PAXIP1: variants seen among roughly 807,000 people sequenced by gnomAD.
PAXIP1 encodes the protein PAX interacting protein 1.
Under a neutral mutation model 140.6 loss-of-function variants are expected in PAXIP1, and 19 were observed. The ratio of observed to expected loss-of-function variants is 0.14; its 90% CI spans 0.09 to 0.20. The LOEUF is 0.20. Among genes scored for constraint, PAXIP1 ranks in the 10% least tolerant of loss-of-function variants. The pLI, the probability that PAXIP1 is intolerant of heterozygous loss-of-function variation, is 1.00. For missense variants in PAXIP1, 920 were observed against 1,208.6 expected, an observed-to-expected ratio of 0.76 and a Z score of 3.54; for synonymous variants, 442 against 444.6, an observed-to-expected ratio of 0.99 and a Z score of 0.07.
chr7:154,993,950 T>G (rs1378146596), intron 2 of PAXIP1, among the ~76,000 whole-genome samples, 181 bp from the exon 3 acceptor site: 1 of 152,296 alleles, frequency 6.6e-6, no homozygotes, highest in South Asian at 2.1e-4. Flanking sequence ...ATACCCAAGA[T>G]GAAAAATCCA....
intron 1 of PAXIP1, chr7:155,001,783 C>T (rs759602258): frequency 1.3e-5 from 2 of 152,272 alleles, no homozygotes; most frequent in Non-Finnish European, 2.9e-5. Context: ...CAGGGGTAAA[C>T]CCGGCCTTGA....
rs3817481 is a variant in PAXIP1, at chr7:154,963,074, A to G, written c.1989+597T>C. Among the ~76,000 whole-genome samples the G allele has an allele frequency of 0.58, 88,161 of 152,102 alleles. 25,705 individuals carry two copies. The highest frequency in any genetic ancestry group is 0.65 in the Admixed American group (10,016 of 15,292). On this transcript the variant is annotated intron_variant, in intron 9 of 20. Transcript: ENST00000404141. The surrounding 1 kb of genome is among the most constrained non-coding windows in gnomAD (Gnocchi z 4.1). Reference sequence around the variant, plus strand: ...AAGCTCTGTAAGGGACCTGGTCTTTACACGCTTGTGTGCAAGTCACACACC... The same window carrying G: ...AAGCTCTGTAAGGGACCTGGTCTTTGCACGCTTGTGTGCAAGTCACACACC...
chr7:154,982,493 A>T (rs928973919), intron 5 of PAXIP1, among the ~76,000 whole-genome samples: 1 of 152,136 alleles, frequency 6.6e-6, no homozygotes, highest in African/African-American at 2.4e-5. Context: ...TGGGATTACA[A>T]GCACATGCCA....
Position 154,998,743 on chromosome 7 carries a change from G to C in PAXIP1, c.123C>G (p.Ser41=). The change falls in exon 2 of 21, where the codon TCC becomes TCG. Residue 41 remains serine (S), a synonymous_variant. Transcript: ENST00000404141. ...TTATGTGTGAGGCTAGTGCATTGTAGGAAACTTCCTTCGCTTTTCCAGCCT... is the reference window on the plus strand; with the variant it reads ...TTATGTGTGAGGCTAGTGCATTGTACGAAACTTCCTTCGCTTTTCCAGCCT... ...LLKAGKAKEV[S]YNALASHIIS... 1 of 1,613,296 alleles carries C rather than the reference G, an allele frequency of 6.2e-7. No individual in the cohort carries two copies. Among genetic ancestry groups the C allele is most frequent in the Non-Finnish European group, 8.5e-7 (1 of 1,179,536 alleles).
At chr7:154,983,089 T>C (rs762443504) in intron 5 of PAXIP1, 130 bp downstream of exon 5, 3 of 556,652 alleles carry the variant, frequency 5.4e-6, no homozygotes, top group Non-Finnish European at 9.5e-6. Context: ...ATATAAATAA[T>C]ATAAACCAAT....
In PAXIP1 at chr7:155,002,946, G is replaced by T; in HGVS notation, c.-17C>A. ...GTCCGACATGATCGCGGCGGCCCGG[G>T]AGGCTCCGCGGCGGCGCCCGGCCCC... is the stretch of plus-strand genomic sequence containing the variant. On this transcript the variant is annotated 5_prime_UTR_variant, in exon 1 of 21. Transcript: ENST00000404141. 1 of 1,231,642 alleles carries T rather than the reference G, an allele frequency of 8.1e-7. No individual in the cohort carries two copies. 76.3% of individuals were successfully genotyped at this position (1,231,642 alleles called of 1,614,324 possible).
chr7:154,954,727 C>CGCG lies in PAXIP1; in HGVS notation c.2653-305_2653-304insCGC, dbSNP rs1226634114. Among the ~76,000 whole-genome samples the CGCG allele has an allele frequency of 6.6e-6, 1 of 152,218 alleles. No homozygotes were observed. Among genetic ancestry groups the CGCG allele is most frequent in the Non-Finnish European group, 1.5e-5 (1 of 68,028 alleles). On this transcript the variant is annotated intron_variant, in intron 15 of 20. Coordinates refer to ENST00000404141, the MANE Select transcript of PAXIP1 (RefSeq NM_007349.4). The surrounding 1 kb of genome is among the most constrained non-coding windows in gnomAD (Gnocchi z 5.1). The stretch of plus-strand genomic sequence containing the variant: ...ATTAAATGACATGAGAATGATGCAG[C>CGCG]TCACTTCACAATGAAGAGTAAACAG...
chr7:155,002,679 G>C (rs1329731693), intron 1 of PAXIP1, among the ~76,000 whole-genome samples, 170 bp downstream of exon 1: 1 of 151,080 alleles, frequency 6.6e-6, no homozygotes, highest in Non-Finnish European at 1.5e-5. Flanking sequence ...GGCCTCCCGC[G>C]CCCACCCCGC....
At chr7:154,996,233 C>CT (rs1213867762) in intron 2 of PAXIP1, among the ~76,000 whole-genome samples, 1 of 152,140 alleles carries the variant, frequency 6.6e-6, no homozygotes, top group African/African-American at 2.4e-5. Flanking sequence ...TGAAGGCAAA[C>CT]TGTTGAGTCA....
In PAXIP1 at chr7:154,946,251, T is replaced by C; in HGVS notation, c.3194+114A>G. On this transcript the variant is annotated intron_variant, in intron 20 of 20. Transcript: ENST00000404141. This position sits in a 1 kb window ranked among gnomAD's most constrained non-coding sequence, Gnocchi z 4.9. ...GAATTGTTCACTGCATAAATCACAA[T>C]AGCAAAGAAAGGAAAAATGGCTTGC... 1.9e-6 allele frequency: 3 copies of C among 1,556,054 alleles called. No individual in the cohort carries two copies. The highest frequency in any genetic ancestry group is 2.6e-6 in the Non-Finnish European group (3 of 1,152,446).
chr7:155,002,991 C>T lies in PAXIP1; in HGVS notation c.-62G>A, dbSNP rs556352687. ...GGCCCCGCCCACCCCCCGCCCCCGGCCCCCGCGGCGCCCGGCGCCCCCACT... is the reference window on the plus strand; with the variant it reads ...GGCCCCGCCCACCCCCCGCCCCCGGTCCCCGCGGCGCCCGGCGCCCCCACT... On this transcript the variant is annotated 5_prime_UTR_variant, in exon 1 of 21. Transcript: ENST00000404141. The T allele has an allele frequency of 9.7e-3, 6,869 of 705,640 alleles. 43 individuals carry two copies. Among genetic ancestry groups the T allele is most frequent in the South Asian group, 0.013 (211 of 16,236 alleles). The allele number at this position is 705,640 out of a possible 1,614,324, so 43.7% of individuals were successfully genotyped here. A position where few individuals can be genotyped will look rare whatever the true frequency, so the allele number is the denominator to read the frequency against.
rs190361747 is a variant in PAXIP1, at chr7:154,958,425, T to C, written c.2479-1131A>G. On this transcript the variant is annotated intron_variant, in intron 13 of 20. Coordinates refer to ENST00000404141, the MANE Select transcript of PAXIP1 (RefSeq NM_007349.4). ...CTTATTAATTTACTTCAACTACAAC[T>C]TATTTTTTCTAAATATTGCTGCCAT... 3.9e-3 allele frequency among the ~76,000 whole-genome samples: 599 copies of C among 152,374 alleles called. 6 individuals are homozygous for C. Among genetic ancestry groups the C allele is most frequent in the Non-Finnish European group, 6.0e-3 (408 of 68,048 alleles).
chr7:154,983,099 TATA>T (rs2150773844), intron 5 of PAXIP1, 117 bp downstream of exon 5: 1 of 578,442 alleles, frequency 1.7e-6, no homozygotes, highest in African/African-American at 1.9e-5. Flanking sequence ...TATAAACCAA[TATA>T]ATCAGCTTTT....
In PAXIP1 at chr7:154,975,942, T is replaced by C; in HGVS notation, c.828A>G (p.Ala276=). The C allele has an allele frequency of 1.9e-6, 3 of 1,613,982 alleles. No homozygotes were observed. Among genetic ancestry groups the C allele is most frequent in the Non-Finnish European group, 2.5e-6 (3 of 1,179,868 alleles). ...WTPAEVPQLA[A]AKRRLPQGKE... ...TTCCCTGAGGCAGCCTGCGTTTTGC[T>C]GCAGCTAACTGTGGGACTTCGGCCG... The change falls in exon 6 of 21, where the codon GCA becomes GCG. Residue 276 remains alanine, a synonymous_variant. Coordinates refer to ENST00000404141, the MANE Select transcript of PAXIP1 (RefSeq NM_007349.4).
At chr7:154,961,304 T>C (rs796878963) in intron 11 of PAXIP1, among the ~76,000 whole-genome samples, 1 of 152,346 alleles carries the variant, frequency 6.6e-6, no homozygotes, top group African/African-American at 2.4e-5. Flanking sequence ...CCTATTCCTG[T>C]TTTGTTCATT....
chr7:154,965,543 G>A (rs980460706), intron 8 of PAXIP1: 1 of 152,286 alleles, frequency 6.6e-6, no homozygotes, highest in Admixed American at 6.5e-5. Context: ...CCCTGAGGGA[G>A]TAAGACCAGC....
intron 8 of PAXIP1, among the ~76,000 whole-genome samples, chr7:154,966,530 C>T (rs1223899556): frequency 6.6e-6 from 1 of 152,194 alleles, no homozygotes; most frequent in African/African-American, 2.4e-5. Context: ...AACTTGAAAA[C>T]AAGACAAAAA....
Position 154,998,734 on chromosome 7 carries a change from T to A in PAXIP1, c.132A>T (p.Ala44=). ...AGKAKEVSYN[A]LASHIISEDG... ...CCTCTGAGATTATGTGTGAGGCTAG[T>A]GCATTGTAGGAAACTTCCTTCGCTT... The change falls in exon 2 of 21, where the codon GCA becomes GCT. Residue 44 remains alanine, a synonymous_variant. Coordinates refer to ENST00000404141, the MANE Select transcript of PAXIP1 (RefSeq NM_007349.4). 1.9e-6 allele frequency: 3 copies of A among 1,613,334 alleles called. No homozygotes were observed. The highest frequency in any genetic ancestry group is 1.1e-5 in the South Asian group (1 of 90,984).
At chr7:154,974,471 C>T in intron 6 of PAXIP1, 1 of 152,220 alleles carries the variant, frequency 6.6e-6, no homozygotes, top group East Asian at 1.9e-4. Context: ...CATTAACTTT[C>T]TTTTCTTAGA....
Sources: allele counts gnomAD v4.1 joint callset (sites outside exome capture counted in the v4.1 genomes callset), GRCh38; gene constraint gnomAD v4.1.1; non-coding constraint Gnocchi (gnomAD v3.1); transcripts MANE v1.5; gene names NCBI Gene and HGNC (gene_info 2026-07-23, HGNC 2026-07-21).